WDR70: variants seen among roughly 807,000 people sequenced by gnomAD.
WDR70 encodes WD repeat domain 70, also known as WD repeat-containing protein 70.
Under a neutral mutation model 88.6 loss-of-function variants are expected in WDR70, and 53 were observed. That is an observed-to-expected ratio of 0.60 (90% CI 0.48 to 0.75). The LOEUF (loss-of-function observed/expected upper bound fraction) is 0.75, where lower values mean the gene tolerates loss of function less well. Ranked by LOEUF, WDR70 falls within the 30% of genes least tolerant of loss-of-function variation. The probability of loss-of-function intolerance (pLI) is 0.00; values close to 1 mark genes in which losing one functional copy is unlikely to be tolerated. For missense variants in WDR70, 610 were observed against 823.2 expected (o/e 0.74, Z 3.17); for synonymous variants, 280 against 270.0 (o/e 1.04, Z -0.36).
In WDR70 at chr5:37,614,203, C is replaced by T. The variant is rs560156717; in HGVS notation, c.1092+8965C>T. Among the ~76,000 whole-genome samples the T allele has an allele frequency of 3.5e-3, 528 of 152,252 alleles. 1 individual carries two copies. Among genetic ancestry groups the T allele is most frequent in the African/African-American group, 0.011 (448 of 41,552 alleles). ...CTTGCCTTTTCCAGTTTCTAGAGGC[C>T]GCCCTTTTATCTTGGCTCCTGGCAC... On this transcript the variant is annotated intron_variant, in intron 10 of 17. Transcript: ENST00000265107.
At chr5:37,670,094 A>T (rs1745980802) in intron 10 of WDR70, among the ~76,000 whole-genome samples, 1 of 152,076 alleles carries the variant, frequency 6.6e-6, no homozygotes, top group Non-Finnish European at 1.5e-5. Context: ...TCTAAAATTG[A>T]TTGTACTGGT....
intron 4 of WDR70, among the ~76,000 whole-genome samples, chr5:37,395,205 T>G (rs1257321305): frequency 6.6e-6 from 1 of 152,160 alleles, no homozygotes; most frequent in Admixed American, 6.5e-5. Flanking sequence ...TGGTAGATGG[T>G]GAGGGCTATG....
intron 7 of WDR70, among the ~76,000 whole-genome samples, chr5:37,445,760 C>A (rs1738450220): frequency 6.6e-6 from 1 of 152,148 alleles, no homozygotes; most frequent in Non-Finnish European, 1.5e-5. Flanking sequence ...TAAAAACTCT[C>A]AATAAATTAG....
intron 17 of WDR70, among the ~76,000 whole-genome samples, chr5:37,741,884 A>C (rs1423968906): frequency 1.3e-5 from 2 of 152,132 alleles, no homozygotes; most frequent in Admixed American, 1.3e-4. Flanking sequence ...TGACTGGCCA[A>C]TTTCACTTAG....
At position 37,683,532 on chromosome 5, in the gene WDR70, G is replaced by A. The variant is rs540627584; in HGVS notation, c.1093-14123G>A. 3.3e-5 allele frequency among the ~76,000 whole-genome samples: 5 copies of A among 152,244 alleles called. No homozygotes were observed. In the East Asian group the frequency reaches 9.6e-4, roughly 29 times the overall value. On this transcript the variant is annotated intron_variant, in intron 10 of 17. Transcript: ENST00000265107. ...TCTTCAGGACTGCTTATAAGGCAGG[G>A]CTGGTGGTAATGAATTCCCTCAGTA... is the stretch of plus-strand genomic sequence containing the variant.
At chr5:37,622,554 A>G (rs1744539764) in intron 10 of WDR70, among the ~76,000 whole-genome samples, 3 of 152,208 alleles carry the variant, frequency 2.0e-5, no homozygotes, top group South Asian at 4.1e-4. Flanking sequence ...ATGGAATACT[A>G]TGCAGCCTTA....
At chr5:37,714,586 A>G (rs1345555258) in intron 13 of WDR70, among the ~76,000 whole-genome samples, 3 of 152,114 alleles carry the variant, frequency 2.0e-5, no homozygotes, top group East Asian at 1.9e-4. Context: ...TACACCTACC[A>G]TATCTTGGTA....
intron 5 of WDR70, among the ~76,000 whole-genome samples, chr5:37,420,073 G>A (rs1198411922): frequency 6.6e-6 from 1 of 151,958 alleles, no homozygotes; most frequent in Non-Finnish European, 1.5e-5. Flanking sequence ...GCTAAAGAAA[G>A]TATTCTTGGT....
At chr5:37,438,126 C>T in intron 6 of WDR70, 145 bp downstream of exon 6, 1 of 548,018 alleles carries the variant, frequency 1.8e-6, no homozygotes, top group East Asian at 3.4e-5. Context: ...AAATAGATTA[C>T]TTTTATGTTC....
At chr5:37,517,839 A>T (rs1270893714) in intron 9 of WDR70, among the ~76,000 whole-genome samples, 4 of 57,762 alleles carry the variant, frequency 6.9e-5, no homozygotes, top group Admixed American at 1.9e-4. Flanking sequence ...TAGTTATTTT[A>T]TTTTTATTAT....
intron 9 of WDR70, among the ~76,000 whole-genome samples, chr5:37,520,527 A>G (rs186568194): frequency 1.9e-3 from 296 of 152,230 alleles, no homozygotes; most frequent in African/African-American, 6.5e-3. Flanking sequence ...GTTTAAAGTT[A>G]TGTTTCTTAT....
At chr5:37,390,667 G>C (rs1454190614) in intron 3 of WDR70, among the ~76,000 whole-genome samples, 1 of 150,778 alleles carries the variant, frequency 6.6e-6, no homozygotes, top group African/African-American at 2.4e-5. Context: ...GATTTTGATA[G>C]CTAGTCTCTG....
chr5:37,721,279 C>T (rs1747807674), intron 14 of WDR70, 64 bp downstream of exon 14: 2 of 1,418,166 alleles, frequency 1.4e-6, no homozygotes, highest in Non-Finnish European at 9.9e-7. Flanking sequence ...ATTTCCCTCC[C>T]ACCCCCGCTT....
chr5:37,476,139 C>T (rs141414079), intron 7 of WDR70, among the ~76,000 whole-genome samples: 24 of 152,156 alleles, frequency 1.6e-4, no homozygotes, highest in African/African-American at 4.3e-4. Flanking sequence ...CATGAGCCAC[C>T]GTGCCTGATC....
intron 14 of WDR70, chr5:37,721,512 A>C (rs1237732088): frequency 2.6e-6 from 1 of 378,618 alleles, no homozygotes; most frequent in Non-Finnish European, 4.9e-6. Flanking sequence ...ACCACCCTGG[A>C]CAGAGGCATT....
intron 10 of WDR70, among the ~76,000 whole-genome samples, chr5:37,624,268 G>A (rs1744603781): frequency 6.6e-6 from 1 of 151,986 alleles, no homozygotes; most frequent in African/African-American, 2.4e-5. Flanking sequence ...GAGATCAACT[G>A]TTTTTCTCTC....
chr5:37,672,336 A>G (rs1041638965), intron 10 of WDR70, among the ~76,000 whole-genome samples: 5 of 152,084 alleles, frequency 3.3e-5, no homozygotes, highest in Admixed American at 2.0e-4. Context: ...GAGGAGGATT[A>G]GTAAAAGAGG....
At chr5:37,485,834 G>A (rs1219939992) in intron 8 of WDR70, among the ~76,000 whole-genome samples, 7 of 148,768 alleles carry the variant, frequency 4.7e-5, no homozygotes, top group African/African-American at 1.7e-4. Flanking sequence ...TAAGACTACA[G>A]GCATGCGCCA....
intron 7 of WDR70, among the ~76,000 whole-genome samples, chr5:37,455,029 G>A (rs190662707): frequency 1.3e-5 from 2 of 152,248 alleles, no homozygotes; most frequent in East Asian, 1.9e-4. Context: ...ATGGCACAGT[G>A]CCTGGCACCT....
Sources: allele counts gnomAD v4.1 joint callset (sites outside exome capture counted in the v4.1 genomes callset), GRCh38; gene constraint gnomAD v4.1.1; transcripts MANE v1.5; gene names NCBI Gene and HGNC (gene_info 2026-07-23, HGNC 2026-07-21).